The following SACM1L variants were observed in gnomAD, a reference collection of about 807,000 sequenced individuals.
SACM1L encodes phosphatidylinositol-3-phosphatase SAC1.
A neutral mutation model predicts 89.5 loss-of-function variants in SACM1L; 32 were observed. The observed-to-expected ratio is 0.36, with a 90% CI of 0.27 to 0.48. The LOEUF (loss-of-function observed/expected upper bound fraction) is 0.48. SACM1L is among the 20% of genes least tolerant of loss of function. SACM1L has a pLI of 0.99. For synonymous variants in SACM1L, 213 were observed against 232.8 expected (o/e 0.92, Z 0.77); for missense variants, 543 against 708.5 (o/e 0.77, Z 2.65).
In SACM1L at chr3:45,706,958, G is replaced by A. The variant is rs752950874; in HGVS notation, c.333+51G>A. 1.4e-5 allele frequency: 22 copies of A among 1,571,086 alleles called. No homozygotes were observed. In the Admixed American group the frequency reaches 3.6e-4, roughly 26 times the overall value. ...TGCAGCGCCCAAAGAAGTAGCATGG[G>A]CTGGGGAGAGGAGGGTGAGGGTGTT... On this transcript the variant is annotated intron_variant, in intron 4 of 19. Transcript: ENST00000389061.
intron 1 of SACM1L, among the ~76,000 whole-genome samples, chr3:45,693,198 AG>A (rs1289468861): frequency 6.6e-6 from 1 of 152,256 alleles, no homozygotes; most frequent in Non-Finnish European, 1.5e-5. Context: ...ATAAGCTTAT[AG>A]GACCACCATC....
At chr3:45,697,268 C>CTTTTTTTTTTTTTTTTTTTTTTT (rs1559535250) in intron 1 of SACM1L, among the ~76,000 whole-genome samples, 1 of 110,610 alleles carries the variant, frequency 9.0e-6, no homozygotes, top group Non-Finnish European at 1.8e-5. Flanking sequence ...CTTTTCTTTT[C>CTTTTTTTTTTTTTTTTTTTTTTT]CTTTTTTTTT....
At chr3:45,738,011 G>T (rs549212237) in intron 16 of SACM1L, among the ~76,000 whole-genome samples, 167 bp downstream of exon 16, 1 of 152,138 alleles carries the variant, frequency 6.6e-6, no homozygotes, top group Non-Finnish European at 1.5e-5. Context: ...AGTGAGGCCC[G>T]GGTACTGGTG....
chr3:45,701,146 C>A (rs191295696), intron 1 of SACM1L, among the ~76,000 whole-genome samples: 1 of 152,030 alleles, frequency 6.6e-6, no homozygotes, highest in East Asian at 1.9e-4. Context: ...AAAAACATTT[C>A]TTTAATTTTT....
chr3:45,724,591 G>A (rs1045050062), intron 11 of SACM1L, among the ~76,000 whole-genome samples: 24 of 151,978 alleles, frequency 1.6e-4, no homozygotes, highest in African/African-American at 5.5e-4. Flanking sequence ...CCACTCTTTA[G>A]GTTGATTTTT....
At chr3:45,689,696 C>A in intron 1 of SACM1L, 199 bp downstream of exon 1, 1 of 649,960 alleles carries the variant, frequency 1.5e-6, no homozygotes, top group Non-Finnish European at 2.6e-6. Context: ...GGCTCGCCGG[C>A]CTTTCTCCAC....
At chr3:45,718,339 T>A (rs865867896) in intron 7 of SACM1L, among the ~76,000 whole-genome samples, 10 of 151,878 alleles carry the variant, frequency 6.6e-5, no homozygotes, top group Middle Eastern at 3.4e-3. Flanking sequence ...AACAAGAATT[T>A]GTTTAGTGGC....
intron 19 of SACM1L, among the ~76,000 whole-genome samples, chr3:45,741,669 A>G (rs1355473492): frequency 6.6e-6 from 1 of 152,194 alleles, no homozygotes; most frequent in Non-Finnish European, 1.5e-5. Flanking sequence ...AGTTTTAACT[A>G]AATGCTGAAA....
In SACM1L at chr3:45,694,768, A is replaced by G. The variant is rs61472378; in HGVS notation, c.32+5271A>G. Among the ~76,000 whole-genome samples the G allele has an allele frequency of 6.6e-3, 1,003 of 152,256 alleles. 10 individuals carry two copies. Among genetic ancestry groups the G allele is most frequent in the African/African-American group, 0.023 (939 of 41,552 alleles). ...TTTTAGGGCTGGGCATACATAGCTG[A>G]GTTAGGACCAGAACATGCTGGTAGA... On this transcript the variant is annotated intron_variant, in intron 1 of 19. Transcript: ENST00000389061.
Position 45,693,624 on chromosome 3 carries a change from G to A in SACM1L, c.32+4127G>A, listed in dbSNP as rs541077302. Among the ~76,000 whole-genome samples the A allele has an allele frequency of 1.2e-4, 18 of 152,302 alleles. No individual in the cohort carries two copies. The South Asian group carries it at 3.7e-3, about 32-fold the overall frequency. ...TAGAGCTAGCCTTGGAATACGGCTG[G>A]TCCAGAGTCCAGTGATCTTTCCATT... On this transcript the variant is annotated intron_variant, in intron 1 of 19. Transcript: ENST00000389061.
chr3:45,733,204 G>A (rs2742462), intron 13 of SACM1L, among the ~76,000 whole-genome samples: 73,359 of 152,072 alleles, frequency 0.48, 18,316 homozygotes, highest in Middle Eastern at 0.57. Context: ...GTGGTCCACA[G>A]GGAGAGCAGA....
intron 1 of SACM1L, among the ~76,000 whole-genome samples, chr3:45,691,770 A>G (rs1411462364): frequency 6.6e-6 from 1 of 152,108 alleles, no homozygotes; most frequent in African/African-American, 2.4e-5. Context: ...GCACACCACC[A>G]CACCTGTCCT....
chr3:45,709,598 G>A lies in SACM1L; in HGVS notation c.434G>A (p.Arg145Gln), dbSNP rs758914104. The A allele has an allele frequency of 1.6e-5, 26 of 1,613,690 alleles. No homozygotes were observed. The highest frequency in any genetic ancestry group is 3.3e-4 in the Middle Eastern group (2 of 6,056). ...TTYDLTHTLQ[R>Q]LSNTSPEFQE... ...TATGATTTGACCCATACTTTGCAGC[G>A]GCTATCCAACACTAGTCCTGAATTC... The change falls in exon 5 of 20, where the codon CGG becomes CAG. Residue 145 changes from arginine to glutamine, a missense_variant. Around this residue, in one of 2 missense-constraint regions of SACM1L, gnomAD observed 173 missense variants for 180.9 expected, o/e 0.96. Coordinates refer to ENST00000389061, the MANE Select transcript of SACM1L (RefSeq NM_014016.5).
At chr3:45,740,490 C>A (rs1215703124) in intron 19 of SACM1L, among the ~76,000 whole-genome samples, 4 of 152,102 alleles carry the variant, frequency 2.6e-5, no homozygotes, top group African/African-American at 7.2e-5. Flanking sequence ...TACTTAGGAA[C>A]AAAAGGAGGG....
chr3:45,726,650 G>A (rs1402455969), intron 11 of SACM1L, among the ~76,000 whole-genome samples: 1 of 151,972 alleles, frequency 6.6e-6, no homozygotes, highest in Non-Finnish European at 1.5e-5. Flanking sequence ...TCTTTTCAAA[G>A]TTCAACTTTT....
At chr3:45,736,050 T>G (rs1431313364) in intron 14 of SACM1L, among the ~76,000 whole-genome samples, 1 of 152,038 alleles carries the variant, frequency 6.6e-6, no homozygotes, top group Non-Finnish European at 1.5e-5. Context: ...TATTTTTTTT[T>G]GTAGAGACAG....
At chr3:45,737,957 C>T in intron 16 of SACM1L, 113 bp downstream of exon 16, 1 of 815,384 alleles carries the variant, frequency 1.2e-6, no homozygotes, top group Non-Finnish European at 2.0e-6. Context: ...AAGACTCCAG[C>T]ATCTGGGCCT....
chr3:45,691,926 C>T (rs1251611594), intron 1 of SACM1L, among the ~76,000 whole-genome samples: 2 of 152,158 alleles, frequency 1.3e-5, no homozygotes, highest in African/African-American at 4.8e-5. Context: ...TCTTACTGAC[C>T]TATAGGATCA....
intron 7 of SACM1L, among the ~76,000 whole-genome samples, chr3:45,717,004 C>T (rs1485502611): frequency 6.6e-6 from 1 of 152,090 alleles, no homozygotes; most frequent in African/African-American, 2.4e-5. Flanking sequence ...GCTTATCTGC[C>T]CTGCTCATTT....
Sources: gnomAD v4.1 joint callset for allele counts (sites outside exome capture counted in the v4.1 genomes callset) on GRCh38, gnomAD v4.1.1 for gene constraint, gnomAD v4.1.1 regional missense constraint, MANE v1.5 for transcripts, NCBI Gene and HGNC (gene_info 2026-07-23, HGNC 2026-07-21) for gene names.